The following P4HA1 variants were observed in gnomAD, a reference collection of about 807,000 sequenced individuals.
P4HA1 encodes the protein prolyl 4-hydroxylase subunit alpha 1, also known as prolyl 4-hydroxylase subunit alpha-1.
Under a neutral mutation model 72.8 loss-of-function variants are expected in P4HA1, and 24 were observed. That is an observed-to-expected ratio of 0.33 (90% CI 0.24 to 0.46). P4HA1 has a LOEUF of 0.46. Ranked by LOEUF, P4HA1 falls within the 20% of genes least tolerant of loss-of-function variation. The pLI is 1.00. For missense variants in P4HA1, 446 were observed against 640.6 expected, an observed-to-expected ratio of 0.70 and a Z score of 3.28; for synonymous variants, 201 against 218.8, an observed-to-expected ratio of 0.92 and a Z score of 0.72.
At chr10:73,061,389 T>C (rs984059512) in intron 5 of P4HA1, among the ~76,000 whole-genome samples, 1 of 151,640 alleles carries the variant, frequency 6.6e-6, no homozygotes, top group African/African-American at 2.4e-5. Flanking sequence ...CCACATAACA[T>C]ATGACTAGGT....
At chr10:73,050,664 C>T (rs1180509754) in intron 7 of P4HA1, among the ~76,000 whole-genome samples, 2 of 150,632 alleles carry the variant, frequency 1.3e-5, no homozygotes, top group Non-Finnish European at 2.9e-5. Flanking sequence ...CATGCCACTG[C>T]ACTCTAGCCT....
intron 1 of P4HA1, among the ~76,000 whole-genome samples, chr10:73,085,570 A>G (rs977847549): frequency 2.6e-5 from 4 of 152,014 alleles, no homozygotes; most frequent in Non-Finnish European, 5.9e-5. Flanking sequence ...TTTAGCAGAG[A>G]CGGAGTTTCT....
chr10:73,012,716 G>A (rs1174891878), intron 12 of P4HA1, among the ~76,000 whole-genome samples: 2 of 152,098 alleles, frequency 1.3e-5, no homozygotes, highest in East Asian at 1.9e-4. Context: ...ACAAAAAGAT[G>A]TAATTCAAAT....
chr10:73,028,737 C>T (rs1010036763), intron 10 of P4HA1, among the ~76,000 whole-genome samples: 3 of 150,748 alleles, frequency 2.0e-5, no homozygotes, highest in South Asian at 2.2e-4. Flanking sequence ...ACCCGGACAA[C>T]AGTTTATTAT....
chr10:73,091,409 T>C (rs1842029052), intron 1 of P4HA1, among the ~76,000 whole-genome samples: 1 of 152,098 alleles, frequency 6.6e-6, no homozygotes, highest in Non-Finnish European at 1.5e-5. Flanking sequence ...TCCAGAGATC[T>C]TCCCACCTCA....
At chr10:73,077,479 C>A (rs1419171920) in intron 1 of P4HA1, among the ~76,000 whole-genome samples, 1 of 151,996 alleles carries the variant, frequency 6.6e-6, no homozygotes, top group African/African-American at 2.4e-5. Flanking sequence ...TATTTTTCTT[C>A]GAATAGCTTG....
chr10:73,007,994 G>A lies in P4HA1; in HGVS notation c.*228C>T. 1 of 270,776 alleles carries A rather than the reference G, an allele frequency of 3.7e-6. No individual in the cohort carries two copies. The highest frequency in any genetic ancestry group is 7.7e-5 in the Admixed American group (1 of 12,934). The allele number at this position is 270,776 out of a possible 1,614,324, so 16.8% of individuals were successfully genotyped here. A position where few individuals can be genotyped will look rare whatever the true frequency, so the allele number is the denominator to read the frequency against. ...CACTTTAAACTCTGCCTTGTCTTCT[G>A]TGATACCAACAGAACTTTAAGGTTT... On this transcript the variant is annotated 3_prime_UTR_variant, in exon 15 of 15. Coordinates refer to ENST00000394890, the MANE Select transcript of P4HA1 (RefSeq NM_001017962.3).
intron 9 of P4HA1, among the ~76,000 whole-genome samples, chr10:73,039,213 G>T (rs1194781146): frequency 6.6e-6 from 1 of 152,146 alleles, no homozygotes; most frequent in East Asian, 1.9e-4. Context: ...CTGCCCAGGA[G>T]TTGGAAGGAG....
chr10:73,064,242 G>A (rs533449618), intron 5 of P4HA1, among the ~76,000 whole-genome samples: 24 of 152,086 alleles, frequency 1.6e-4, no homozygotes, highest in African/African-American at 3.4e-4. Flanking sequence ...TGCGGGGTGC[G>A]GGGGGGTGGA....
intron 14 of P4HA1, 160 bp downstream of exon 14, chr10:73,009,647 C>T: frequency 2.0e-6 from 1 of 502,338 alleles, no homozygotes; most frequent in Non-Finnish European, 3.6e-6. Flanking sequence ...ATTCTGATTT[C>T]AAATTTGTAT....
At chr10:73,008,969 A>C (rs1564616662) in intron 14 of P4HA1, among the ~76,000 whole-genome samples, 1 of 151,974 alleles carries the variant, frequency 6.6e-6, no homozygotes, top group Admixed American at 6.6e-5. Context: ...ATCTCTCTCA[A>C]ATCTATTTGC....
At chr10:73,065,959 C>A (rs1841411256) in intron 5 of P4HA1, among the ~76,000 whole-genome samples, 1 of 152,030 alleles carries the variant, frequency 6.6e-6, no homozygotes, top group African/African-American at 2.4e-5. Flanking sequence ...TAGAAAGATA[C>A]ATAGAGTATG....
chr10:73,061,901 C>T (rs539336175), intron 5 of P4HA1, among the ~76,000 whole-genome samples: 1 of 152,252 alleles, frequency 6.6e-6, no homozygotes, highest in South Asian at 2.1e-4. Context: ...CACCTATAGT[C>T]CCAGCTGTTC....
intron 7 of P4HA1, among the ~76,000 whole-genome samples, chr10:73,049,316 T>C (rs1216148701): frequency 1.3e-5 from 2 of 152,150 alleles, no homozygotes; most frequent in East Asian, 3.8e-4. Flanking sequence ...AGTTTACCAG[T>C]AGTAAAGAAA....
intron 1 of P4HA1, among the ~76,000 whole-genome samples, chr10:73,077,363 A>T (rs1220930616): frequency 6.6e-6 from 1 of 152,254 alleles, no homozygotes; most frequent in African/African-American, 2.4e-5. Flanking sequence ...CATTGCTAAA[A>T]TATATTGTCA....
intron 9 of P4HA1, among the ~76,000 whole-genome samples, chr10:73,032,664 T>G (rs1840457898): frequency 6.6e-6 from 1 of 152,204 alleles, no homozygotes; most frequent in Non-Finnish European, 1.5e-5. Context: ...CTTTGCAAAA[T>G]TAAGACTCTG....
intron 4 of P4HA1, among the ~76,000 whole-genome samples, chr10:73,071,519 A>C (rs1841565811): frequency 6.6e-6 from 1 of 152,134 alleles, no homozygotes; most frequent in Admixed American, 6.5e-5. Flanking sequence ...ATCTGTTATT[A>C]AAGTATCTAA....
chr10:73,033,363 T>A (rs999405158), intron 9 of P4HA1, among the ~76,000 whole-genome samples: 1 of 152,216 alleles, frequency 6.6e-6, no homozygotes, highest in African/African-American at 2.4e-5. Context: ...ATATCTAGTC[T>A]TATCTTTTCC....
rs1564618194 is a variant in P4HA1 at position 73,014,253 on chromosome 10, C to T, written c.1339G>A (p.Gly447Arg). The T allele has an allele frequency of 6.2e-7, 1 of 1,613,176 alleles. No individual in the cohort carries two copies. Among genetic ancestry groups the T allele is most frequent in the Non-Finnish European group, 8.5e-7 (1 of 1,179,238 alleles). Residue 447 changes from glycine to arginine, a missense_variant, in exon 12 of 15, where the codon GGA (glycine) becomes AGA (arginine). Transcript: ENST00000394890. Reference sequence around the variant, plus strand: ...AACAGCCATGTAGCAATTCTATTTCCTGTCCCCAGCTCTTTGAAAGCATCT... The same window carrying T: ...AACAGCCATGTAGCAATTCTATTTCTTGTCCCCAGCTCTTTGAAAGCATCT... ...EPDAFKELGT[G>R]NRIATWLFYM... is the part of the protein sequence containing the mutation.
Sources: allele counts gnomAD v4.1 joint callset (sites outside exome capture counted in the v4.1 genomes callset), GRCh38; gene constraint gnomAD v4.1.1; transcripts MANE v1.5; gene names NCBI Gene and HGNC (gene_info 2026-07-23, HGNC 2026-07-21).